LRRTM4: variants seen among roughly 807,000 people sequenced by gnomAD.
The protein encoded by LRRTM4 is leucine rich repeat transmembrane neuronal 4.
LRRTM4 carries 25 observed loss-of-function variants against 47.6 expected under a neutral mutation model. That is an observed-to-expected ratio of 0.53 (90% CI 0.38 to 0.73). The LOEUF (loss-of-function observed/expected upper bound fraction) is 0.73. Among genes scored for constraint, LRRTM4 ranks in the 30% least tolerant of loss-of-function variants. The pLI, the probability that LRRTM4 is intolerant of heterozygous loss-of-function variation, is 0.00. For synonymous variants in LRRTM4, 311 were observed against 269.5 expected, an observed-to-expected ratio of 1.15 and a Z score of -1.51; for missense variants, 638 against 713.4, an observed-to-expected ratio of 0.89 and a Z score of 1.20.
intron 3 of LRRTM4, among the ~76,000 whole-genome samples, chr2:77,137,739 G>A (rs968477585): frequency 6.6e-6 from 1 of 152,100 alleles, no homozygotes; most frequent in Admixed American, 6.5e-5. Context: ...CATGTCACAC[G>A]CAGGGACACA....
At chr2:76,791,229 C>T (rs564831532) in intron 3 of LRRTM4, among the ~76,000 whole-genome samples, 3 of 152,092 alleles carry the variant, frequency 2.0e-5, no homozygotes, top group Non-Finnish European at 2.9e-5. Context: ...AAAACCCTAA[C>T]GTGACTCAAA....
At chr2:77,158,884 T>A (rs1321126483) in intron 3 of LRRTM4, among the ~76,000 whole-genome samples, 1 of 151,960 alleles carries the variant, frequency 6.6e-6, no homozygotes, top group Non-Finnish European at 1.5e-5. Context: ...TATAATTAAT[T>A]ACATACGATA....
chr2:76,799,887 A>C (rs1425417001), intron 3 of LRRTM4, among the ~76,000 whole-genome samples: 8 of 149,890 alleles, frequency 5.3e-5, no homozygotes, highest in Admixed American at 2.7e-4. Context: ...TAGGAATCCA[A>C]CTTACAAGGG....
In LRRTM4 at chr2:77,522,346, T is replaced by A. The variant is rs1445651757; in HGVS notation, c.-385A>T. 1.5e-5 allele frequency: 7 copies of A among 471,690 alleles called. No homozygotes were observed. Among genetic ancestry groups the A allele is most frequent in the Admixed American group, 7.7e-5 (2 of 25,820 alleles). The allele number at this position is 471,690 out of a possible 1,614,324, so 29.2% of individuals were successfully genotyped here. A position where few individuals can be genotyped will look rare whatever the true frequency, so the allele number is the denominator to read the frequency against. On this transcript the variant is annotated 5_prime_UTR_variant, in exon 1 of 4. Coordinates refer to ENST00000409884, the MANE Select transcript of LRRTM4 (RefSeq NM_001134745.3). ...AGAGACTGATGATGCTCAGAGCTTG[T>A]TGGTGCTAATGCTTGAGTTTGTGAT...
At chr2:76,892,023 T>C (rs1181645638) in intron 3 of LRRTM4, among the ~76,000 whole-genome samples, 2 of 151,722 alleles carry the variant, frequency 1.3e-5, no homozygotes, top group African/African-American at 4.8e-5. Context: ...CAGAATAGCC[T>C]GTATCCGGTA....
At chr2:77,048,283 G>C (rs535422032) in intron 3 of LRRTM4, among the ~76,000 whole-genome samples, 2 of 151,972 alleles carry the variant, frequency 1.3e-5, no homozygotes, top group Non-Finnish European at 2.9e-5. Context: ...AAGTATTGGC[G>C]TGAGAAATTG....
chr2:76,885,083 C>T (rs1461714791), intron 3 of LRRTM4, among the ~76,000 whole-genome samples: 2 of 151,708 alleles, frequency 1.3e-5, no homozygotes, highest in African/African-American at 4.8e-5. Flanking sequence ...AGTGCTTCTG[C>T]TTGGGTTGAC....
intron 3 of LRRTM4, among the ~76,000 whole-genome samples, chr2:76,766,843 A>G (rs1452559578): frequency 6.6e-6 from 1 of 152,126 alleles, no homozygotes; most frequent in African/African-American, 2.4e-5. Context: ...AACATGCTAC[A>G]ATGTGCAGAA....
chr2:77,463,739 A>G (rs1157740221), intron 3 of LRRTM4, among the ~76,000 whole-genome samples: 1 of 152,148 alleles, frequency 6.6e-6, no homozygotes, highest in African/African-American at 2.4e-5. Flanking sequence ...AAAGTGATGT[A>G]CATATTTTAT....
intron 3 of LRRTM4, among the ~76,000 whole-genome samples, chr2:77,274,540 T>C (rs1287491859): frequency 6.6e-6 from 1 of 152,174 alleles, no homozygotes; most frequent in Non-Finnish European, 1.5e-5. Flanking sequence ...ATTTAAAGAC[T>C]ACAATTTAGG....
At chr2:76,762,246 A>G (rs1338238055) in intron 3 of LRRTM4, among the ~76,000 whole-genome samples, 2 of 152,146 alleles carry the variant, frequency 1.3e-5, no homozygotes, top group African/African-American at 4.8e-5. Context: ...TTGAATATCC[A>G]GATTGTTTGA....
intron 3 of LRRTM4, among the ~76,000 whole-genome samples, chr2:77,308,038 A>T (rs1274415769): frequency 7.0e-6 from 1 of 141,874 alleles, no homozygotes; most frequent in Non-Finnish European, 1.5e-5. Flanking sequence ...ATATCTATAT[A>T]TCTATATAAC....
intron 3 of LRRTM4, among the ~76,000 whole-genome samples, chr2:76,905,577 G>T (rs893177570): frequency 6.6e-6 from 1 of 151,518 alleles, no homozygotes; most frequent in African/African-American, 2.4e-5. Context: ...CAAACCAAAG[G>T]CAAAGAAGTT....
chr2:76,818,879 T>C (rs1484724895), intron 3 of LRRTM4, among the ~76,000 whole-genome samples: 1 of 151,794 alleles, frequency 6.6e-6, no homozygotes, highest in Non-Finnish European at 1.5e-5. Context: ...AGTTGAGGTA[T>C]ATTAAATACT....
intron 3 of LRRTM4, among the ~76,000 whole-genome samples, chr2:77,351,445 G>A (rs2104296782): frequency 6.6e-6 from 1 of 151,722 alleles, no homozygotes; most frequent in East Asian, 1.9e-4. Context: ...GAAACAAATT[G>A]AATTCCCACC....
At position 77,300,574 on chromosome 2, in the gene LRRTM4, A is replaced by G. The variant is rs552490481; in HGVS notation, c.1551+217744T>C. Among the ~76,000 whole-genome samples the G allele has an allele frequency of 5.9e-5, 9 of 152,288 alleles. No individual in the cohort carries two copies. In the South Asian group the frequency reaches 1.9e-3, roughly 32 times the overall value. On this transcript the variant is annotated intron_variant, in intron 3 of 3. Transcript: ENST00000409884. The stretch of plus-strand genomic sequence containing the variant: ...GTTATAACAAGTATACATTACATTT[A>G]ACACACCTAGCACATAGGACACCCT...
chr2:77,418,801 T>G (rs1573387572), intron 3 of LRRTM4, among the ~76,000 whole-genome samples: 1 of 152,326 alleles, frequency 6.6e-6, no homozygotes, highest in Middle Eastern at 3.4e-3. Context: ...TAAAAAGATC[T>G]TCACTATCTA....
intron 3 of LRRTM4, among the ~76,000 whole-genome samples, chr2:77,444,753 A>G (rs1178533267): frequency 6.6e-6 from 1 of 152,032 alleles, no homozygotes; most frequent in Non-Finnish European, 1.5e-5. Context: ...AATTTTCTTC[A>G]ATAAGTTCCT....
At chr2:77,091,762 T>C in intron 3 of LRRTM4, among the ~76,000 whole-genome samples, 1 of 150,088 alleles carries the variant, frequency 6.7e-6, no homozygotes. Context: ...ACAGCCCCCA[T>C]TACTTCAATC....
Sources: allele counts gnomAD v4.1 joint callset (sites outside exome capture counted in the v4.1 genomes callset), GRCh38; gene constraint gnomAD v4.1.1; transcripts MANE v1.5; gene names NCBI Gene and HGNC (gene_info 2026-07-23, HGNC 2026-07-21).